S100Z: variants seen among roughly 807,000 people sequenced by gnomAD.
The protein encoded by S100Z is S100 calcium binding protein Z.
A neutral mutation model predicts 8.5 loss-of-function variants in S100Z; 11 were observed. The ratio of observed to expected loss-of-function variants is 1.30; its 90% CI spans 0.82 to 2.15. The LOEUF is 2.15. Among genes scored for constraint, S100Z ranks in the 30% most tolerant of loss-of-function variants. The pLI is 0.00. For synonymous variants in S100Z, 34 were observed against 43.8 expected, an observed-to-expected ratio of 0.78 and a Z score of 0.89; for missense variants, 126 against 117.9, an observed-to-expected ratio of 1.07 and a Z score of -0.32.
chr5:76,854,614 T>C (rs1750828209), intron 1 of S100Z, among the ~76,000 whole-genome samples: 1 of 152,154 alleles, frequency 6.6e-6, no homozygotes, highest in Admixed American at 6.5e-5. Flanking sequence ...AGCAAAGAAA[T>C]GACCAGAAAC....
chr5:76,904,593 T>C (rs1744360427), intron 4 of S100Z, among the ~76,000 whole-genome samples: 1 of 152,260 alleles, frequency 6.6e-6, no homozygotes, highest in African/African-American at 2.4e-5. Context: ...GGGCTTTTAC[T>C]GACTGCATTT....
At chr5:76,876,018 T>C (rs1053526535) in intron 3 of S100Z, among the ~76,000 whole-genome samples, 1 of 152,182 alleles carries the variant, frequency 6.6e-6, no homozygotes, top group South Asian at 2.1e-4. Flanking sequence ...CAGTGACCAG[T>C]GGGGTAGCAA....
intron 4 of S100Z, among the ~76,000 whole-genome samples, chr5:76,901,658 TGTCCAAGA>T (rs1744231101): frequency 6.6e-6 from 1 of 152,136 alleles, no homozygotes; most frequent in African/African-American, 2.4e-5. Flanking sequence ...CCAGGAATGC[TGTCCAAGA>T]GTCAAGTCCT....
At chr5:76,949,099 AG>A in the S100Z span, among the ~76,000 whole-genome samples, 2 of 152,278 alleles carry the variant, frequency 1.3e-5, no homozygotes, top group Non-Finnish European at 1.5e-5. Context: ...TTAAAATAAA[AG>A]TTTTTAGGCC....
chr5:76,932,491 T>C, the S100Z span, among the ~76,000 whole-genome samples: 3 of 152,152 alleles, frequency 2.0e-5, no homozygotes, highest in African/African-American at 7.2e-5. Context: ...GTAGCAAGGA[T>C]TACAGGCACC....
chr5:76,915,915 A>C (rs142472752), intron 4 of S100Z, among the ~76,000 whole-genome samples: 3 of 152,288 alleles, frequency 2.0e-5, no homozygotes, highest in Non-Finnish European at 4.4e-5. Flanking sequence ...ACCTAACCCT[A>C]GCACTTTCGG....
chr5:76,909,982 G>A (rs539977275), intron 4 of S100Z, among the ~76,000 whole-genome samples: 2 of 152,312 alleles, frequency 1.3e-5, no homozygotes, highest in South Asian at 2.1e-4. Flanking sequence ...GCCAAAGAAA[G>A]GGACAAATTC....
At chr5:76,927,290 C>A in the S100Z span, among the ~76,000 whole-genome samples, 3 of 152,198 alleles carry the variant, frequency 2.0e-5, no homozygotes, top group Admixed American at 2.0e-4. Context: ...GGCCCTACCT[C>A]TCCACCTTCA....
chr5:76,857,817 A>G (rs1256872443), intron 1 of S100Z, among the ~76,000 whole-genome samples: 1 of 152,126 alleles, frequency 6.6e-6, no homozygotes, highest in Non-Finnish European at 1.5e-5. Flanking sequence ...TTGTTTTAAT[A>G]ACCAAAGCTG....
In S100Z at chr5:76,877,736, C is replaced by G; in HGVS notation, c.204C>G (p.Asn68Lys). 6.2e-7 allele frequency: 1 copy of G among 1,611,266 alleles called. No homozygotes were observed. The highest frequency in any genetic ancestry group is 8.5e-7 in the Non-Finnish European group (1 of 1,177,522). ...IVQDLDANKD[N>K]EVDFNEFVVM... ...AGGACCTGGATGCCAATAAGGACAA[C>G]GAAGTGGATTTTAATGAATTCGTGG... Residue 68 changes from asparagine to lysine, a missense_variant, in exon 4 of 5, where the codon AAC becomes AAG. Physicochemically the swap from Asn to Lys is moderately conservative, Grantham distance 94 (BLOSUM62 0). Coordinates refer to ENST00000317593, the MANE Select transcript of S100Z (RefSeq NM_130772.4).
chr5:76,938,631 G>C, the S100Z span, among the ~76,000 whole-genome samples: 1 of 152,158 alleles, frequency 6.6e-6, no homozygotes, highest in African/African-American at 2.4e-5. Context: ...AGTGCTTTCT[G>C]TAACCTAGGA....
chr5:76,911,924 A>T lies in S100Z; in HGVS notation c.*3-8793A>T, dbSNP rs190054811. On this transcript the variant is annotated intron_variant, in intron 4 of 4. Transcript: ENST00000317593. Reference sequence around the variant, plus strand: ...GATCCCTGGATACAGAGGGATAGCCAGGCCCCTGTATACTTCTCTTTATAC... The same window carrying T: ...GATCCCTGGATACAGAGGGATAGCCTGGCCCCTGTATACTTCTCTTTATAC... 1.5e-3 allele frequency among the ~76,000 whole-genome samples: 221 copies of T among 152,266 alleles called. 1 individual carries two copies. Among genetic ancestry groups the T allele is most frequent in the African/African-American group, 5.0e-3 (208 of 41,558 alleles).
At chr5:76,868,307 G>T (rs1291250190) in intron 1 of S100Z, among the ~76,000 whole-genome samples, 1 of 151,812 alleles carries the variant, frequency 6.6e-6, no homozygotes, top group African/African-American at 2.4e-5. Context: ...ATGTACCAAA[G>T]GATATATTTA....
intron 1 of S100Z, among the ~76,000 whole-genome samples, chr5:76,850,524 AAAG>A (rs1476322984): frequency 6.6e-6 from 1 of 152,208 alleles, no homozygotes; most frequent in Non-Finnish European, 1.5e-5. Context: ...TGTCCAGGCC[AAAG>A]ACCCAGAAGA....
At chr5:76,917,123 CAA>C (rs35232494) in intron 4 of S100Z, among the ~76,000 whole-genome samples, 2,333 of 81,116 alleles carry the variant, frequency 0.029, 43 homozygotes, top group African/African-American at 0.11. Context: ...GAGACTGTCT[CAA>C]AAAAAAAAAA....
At chr5:76,920,020 CT>C (rs1223753274) in intron 4 of S100Z, among the ~76,000 whole-genome samples, 1 of 151,916 alleles carries the variant, frequency 6.6e-6, no homozygotes, top group African/African-American at 2.4e-5. Context: ...GCAGTTCCCC[CT>C]GCCTCAGCTT....
intron 1 of S100Z, among the ~76,000 whole-genome samples, chr5:76,855,190 G>A (rs147047192): frequency 2.2e-4 from 33 of 152,352 alleles, no homozygotes; most frequent in African/African-American, 7.5e-4. Flanking sequence ...CAGTGTGGAG[G>A]GGAAATGTGG....
chr5:76,924,836 G>A (rs1030105211), downstream of S100Z, among the ~76,000 whole-genome samples: 2 of 152,008 alleles, frequency 1.3e-5, no homozygotes, highest in South Asian at 2.1e-4. Context: ...TCGCTTGAAC[G>A]CGGGAGGTGG....
chr5:76,879,048 C>T (rs964662264), intron 4 of S100Z, among the ~76,000 whole-genome samples: 6 of 152,096 alleles, frequency 3.9e-5, no homozygotes, highest in East Asian at 1.9e-4. Flanking sequence ...CTCTAACAGC[C>T]GGTGTGGGGC....
Sources: gnomAD v4.1 joint callset for allele counts (sites outside exome capture counted in the v4.1 genomes callset) on GRCh38, gnomAD v4.1.1 for gene constraint, MANE v1.5 for transcripts, NCBI Gene and HGNC (gene_info 2026-07-23, HGNC 2026-07-21) for gene names.